MUC5AC: variants seen among roughly 807,000 people sequenced by gnomAD.
MUC5AC encodes mucin-5AC.
MUC5AC carries 158 observed loss-of-function variants against 169.7 expected under a neutral mutation model. The ratio of observed to expected loss-of-function variants is 0.93; its 90% CI spans 0.82 to 1.06. MUC5AC has a LOEUF of 1.06. MUC5AC is among the 50% of genes least tolerant of loss of function. The pLI, the probability that MUC5AC is intolerant of heterozygous loss-of-function variation, is 0.00. For missense variants in MUC5AC, 4,359 were observed against 3,089.9 expected (o/e 1.41, Z -9.74); for synonymous variants, 1,975 against 1,237.0 (o/e 1.60, Z -12.52).
intron 26 of MUC5AC, among the ~76,000 whole-genome samples, chr11:1,179,657 A>G (rs1860766438): frequency 9.4e-6 from 1 of 106,142 alleles, no homozygotes; most frequent in African/African-American, 3.4e-5. Context: ...GGTCCCTGGC[A>G]TGGTTGGGCA....
intron 1 of MUC5AC, among the ~76,000 whole-genome samples, chr11:1,158,929 G>A (rs531313788): frequency 3.3e-5 from 5 of 152,206 alleles, no homozygotes; most frequent in Non-Finnish European, 5.9e-5. Context: ...CCTCCACTGT[G>A]GCCTAGTCGG....
rs902262097 is a variant in MUC5AC, at chr11:1,180,015, C to T, written c.3485-7C>T. ...GACCCCACCGAGCCCTTCCTTCCTC[C>T]CTGCAGCTCTGTTCTGCGACTACTA... On this transcript the variant is annotated splice_polypyrimidine_tract_variant and splice_region_variant and intron_variant, in intron 26 of 48. Coordinates refer to ENST00000621226, the MANE Select transcript of MUC5AC (RefSeq NM_001304359.2). 18 of 398,804 alleles carry T rather than the reference C, an allele frequency of 4.5e-5. No individual in the cohort carries two copies. The highest frequency in any genetic ancestry group is 1.2e-3 in the Middle Eastern group (2 of 1,602). The allele number at this position is 398,804 out of a possible 1,614,324, so 24.7% of individuals were successfully genotyped here.
chr11:1,178,701 C>T lies in MUC5AC; in HGVS notation c.3327+18C>T, dbSNP rs1358848097. On this transcript the variant is annotated intron_variant, in intron 25 of 48. Transcript: ENST00000621226. ...ACGCACACGTATGCTGGCCGGGGGG[C>T]GTTTCTCTGGGCCCAAGGGGGTCAT... 1.7e-5 allele frequency: 21 copies of T among 1,229,050 alleles called. No homozygotes were observed. Among genetic ancestry groups the T allele is most frequent in the South Asian group, 3.0e-5 (1 of 32,790 alleles). 76.1% of individuals were successfully genotyped at this position (1,229,050 alleles called of 1,614,324 possible).
Position 1,198,256 on chromosome 11 carries a change from T to C in MUC5AC, c.16136-12T>C, listed in dbSNP as rs80334578. On this transcript the variant is annotated splice_polypyrimidine_tract_variant and intron_variant, in intron 42 of 48. Transcript: ENST00000621226. ...CGGCGGGGGGTGCAGCTGCTTGTCT[T>C]CTCGTGGGCAGGCTGGACAGTGTGC... 9,425 of 751,448 alleles carry C rather than the reference T, an allele frequency of 0.013. 85 individuals are homozygous for C. Among genetic ancestry groups the C allele is most frequent in the Non-Finnish European group, 0.018 (7,293 of 411,720 alleles). 46.5% of individuals were successfully genotyped at this position (751,448 alleles called of 1,614,324 possible).
At position 1,184,434 on chromosome 11, in the gene MUC5AC, G is replaced by T. The variant is rs1860882785; in HGVS notation, c.6289G>T (p.Gly2097Trp). 6 of 563,660 alleles carry T rather than the reference G, an allele frequency of 1.1e-5. No individual in the cohort carries two copies. The highest frequency in any genetic ancestry group is 1.6e-5 in the Non-Finnish European group (5 of 316,554). 34.9% of individuals were successfully genotyped at this position (563,660 alleles called of 1,614,324 possible). ...GCAACCCACGGCAACCTCCAGGGGTGGGCCCACAGCAACCAGCGTCACACA... is the reference window on the plus strand; with the variant it reads ...GCAACCCACGGCAACCTCCAGGGGTTGGCCCACAGCAACCAGCGTCACACA... The part of the protein sequence containing the change: ...TEQPTATSRG[G>W]PTATSVTQGT... Residue 2097 changes from glycine (G) to tryptophan (W), a missense_variant, in exon 31 of 49, where the codon GGG becomes TGG. Coordinates refer to ENST00000621226, the MANE Select transcript of MUC5AC (RefSeq NM_001304359.2).
rs1861355005 is a variant in MUC5AC at position 1,198,990 on chromosome 11, C to T, written c.16290C>T (p.Cys5430=). ...AGACCCAGATCTGCAACACACACTG[C>T]CCTGTGGTGAGCGCTCCCACCCTGC... ...SCETQICNTH[C]PVGFEYQEQS... Residue 5430 remains cysteine, a synonymous_variant, in exon 44 of 49, where the codon TGC becomes TGT. Transcript: ENST00000621226. The T allele has an allele frequency of 1.3e-6, 1 of 764,240 alleles. No homozygotes were observed. The highest frequency in any genetic ancestry group is 1.7e-5 in the African/African-American group (1 of 59,066). The allele number at this position is 764,240 out of a possible 1,614,324, so 47.3% of individuals were successfully genotyped here. A position where few individuals can be genotyped will look rare whatever the true frequency, so the allele number is the denominator to read the frequency against.
At chr11:1,193,800 A>G (rs1861186015) in intron 33 of MUC5AC, 141 bp downstream of exon 33, 5 of 631,320 alleles carry the variant, frequency 7.9e-6, no homozygotes, top group Non-Finnish European at 1.4e-5. Flanking sequence ...CCCAGCATCA[A>G]GGCGGGGCCG....
At chr11:1,163,232 G>A (rs1458332252) in intron 6 of MUC5AC, among the ~76,000 whole-genome samples, 187 bp downstream of exon 6, 1 of 152,244 alleles carries the variant, frequency 6.6e-6, no homozygotes, top group Admixed American at 6.5e-5. Context: ...TCTCAGGAGT[G>A]CAGGCAGGGA....
rs1319370580 is a variant in MUC5AC, at chr11:1,177,031, A to G, written c.2758A>G (p.Ser920Gly). ...HYLTFDGQSY[S>G]FNGDCEYTLV... is the part of the protein sequence containing the mutation. Reference sequence around the variant, plus strand: ...CCTCACCTTCGACGGACAGAGCTACAGCTTCAACGGAGACTGCGAGTACAC... The same window carrying G: ...CCTCACCTTCGACGGACAGAGCTACGGCTTCAACGGAGACTGCGAGTACAC... Residue 920 changes from serine (S) to glycine (G), a missense_variant, in exon 22 of 49, where the codon AGC becomes GGC. Coordinates refer to ENST00000621226, the MANE Select transcript of MUC5AC (RefSeq NM_001304359.2). The G allele has an allele frequency of 1.5e-5, 6 of 398,800 alleles. No homozygotes were observed. Among genetic ancestry groups the G allele is most frequent in the Non-Finnish European group, 2.2e-5 (5 of 226,264 alleles). The allele number at this position is 398,800 out of a possible 1,614,324, so 24.7% of individuals were successfully genotyped here. A position where few individuals can be genotyped will look rare whatever the true frequency, so the allele number is the denominator to read the frequency against.
At chr11:1,163,805 G>C in intron 6 of MUC5AC, 77 bp from the exon 7 acceptor site, 2 of 1,195,806 alleles carry the variant, frequency 1.7e-6, no homozygotes, top group African/African-American at 3.0e-5. Flanking sequence ...ACCCGGCCCT[G>C]GGGGCTCTGC....
At chr11:1,180,192 C>T in intron 27 of MUC5AC, 42 bp downstream of exon 27, 1 of 398,334 alleles carries the variant, frequency 2.5e-6, no homozygotes, top group Non-Finnish European at 4.4e-6. Context: ...GCTCCGCCGC[C>T]TGTGGCCTTC....
In MUC5AC at chr11:1,186,987, C is replaced by A; in HGVS notation, c.8842C>A (p.Pro2948Thr). The A allele has an allele frequency of 8.2e-6, 6 of 734,522 alleles. No homozygotes were observed. The highest frequency in any genetic ancestry group is 1.8e-5 in the Admixed American group (1 of 54,322). The allele number at this position is 734,522 out of a possible 1,614,324, so 45.5% of individuals were successfully genotyped here. ...TSTTSVPGTT[P>T]SPVPTTSTIS... ...CACAACTTCTGTTCCTGGAACTACT[C>A]CCAGCCCTGTTCCTACCACCAGCAC... is the stretch of plus-strand genomic sequence containing the variant. The change falls in exon 31 of 49, where the codon CCC becomes ACC. Residue 2948 changes from proline (P) to threonine (T), a missense_variant. Pro to Thr is a conservative substitution (Grantham distance 38). Transcript: ENST00000621226.
intron 15 of MUC5AC, among the ~76,000 whole-genome samples, chr11:1,171,015 C>A (rs1860503236): frequency 7.2e-6 from 1 of 139,800 alleles, no homozygotes; most frequent in Non-Finnish European, 1.6e-5. Flanking sequence ...CACCCATTCA[C>A]CCATTCACCC....
At position 1,195,869 on chromosome 11, in the gene MUC5AC, C is replaced by A. The variant is rs1861258335; in HGVS notation, c.15459-7C>A. Reference sequence around the variant, plus strand: ...TGCACCCAGCACCCTGCCCATCCCTCCCACAGGGTCTTTGAGCCGTGCCAC... The same window carrying A: ...TGCACCCAGCACCCTGCCCATCCCTACCACAGGGTCTTTGAGCCGTGCCAC... On this transcript the variant is annotated splice_polypyrimidine_tract_variant and splice_region_variant and intron_variant, in intron 36 of 48. Transcript: ENST00000621226. 5.3e-6 allele frequency: 4 copies of A among 757,508 alleles called. No homozygotes were observed. Among genetic ancestry groups the A allele is most frequent in the East Asian group, 2.4e-5 (1 of 40,926 alleles). 46.9% of individuals were successfully genotyped at this position (757,508 alleles called of 1,614,324 possible). A position where few individuals can be genotyped will look rare whatever the true frequency, so the allele number is the denominator to read the frequency against.
intron 1 of MUC5AC, among the ~76,000 whole-genome samples, chr11:1,158,408 A>AT (rs1321009676): frequency 2.0e-5 from 3 of 152,126 alleles, no homozygotes; most frequent in African/African-American, 7.2e-5. Context: ...CCAGCTGCTC[A>AT]TGGCCCCTGC....
chr11:1,186,490 C>G lies in MUC5AC; in HGVS notation c.8345C>G (p.Ser2782Cys), dbSNP rs1282903012. Residue 2782 changes from serine (S) to cysteine (C), a missense_variant, in exon 31 of 49, where the codon TCT becomes TGT. Transcript: ENST00000621226. ...TTSATTTSTISAPTTSTTLSP... is the reference protein window; with the variant it reads ...TTSATTTSTICAPTTSTTLSP... Reference sequence around the variant, plus strand: ...TCTGCTACTACAACCAGCACAATCTCTGCCCCTACAACCAGCACAACTTTG... The same window carrying G: ...TCTGCTACTACAACCAGCACAATCTGTGCCCCTACAACCAGCACAACTTTG... 2 of 695,528 alleles carry G rather than the reference C, an allele frequency of 2.9e-6. No individual in the cohort carries two copies. The highest frequency in any genetic ancestry group is 1.7e-5 in the African/African-American group (1 of 57,274). The allele number at this position is 695,528 out of a possible 1,614,324, so 43.1% of individuals were successfully genotyped here. A position where few individuals can be genotyped will look rare whatever the true frequency, so the allele number is the denominator to read the frequency against.
Position 1,162,936 on chromosome 11 carries a change from G to T in MUC5AC, c.589-19G>T. On this transcript the variant is annotated intron_variant, in intron 5 of 48. Transcript: ENST00000621226. ...CTGCCCCTGGTGGGGATGGGTGTCT[G>T]ATGTCTCTCCCTTTGCAGCTGGAGC... 2.5e-6 allele frequency: 4 copies of T among 1,608,850 alleles called. No individual in the cohort carries two copies. Among genetic ancestry groups the T allele is most frequent in the Non-Finnish European group, 3.4e-6 (4 of 1,176,372 alleles).
At position 1,164,673 on chromosome 11, in the gene MUC5AC, G is replaced by A. The variant is rs865981851; in HGVS notation, c.1129+141G>A. The A allele has an allele frequency of 1.5e-5, 16 of 1,087,702 alleles. No homozygotes were observed. The Admixed American group carries it at 2.5e-4, about 17-fold the overall frequency. 67.4% of individuals were successfully genotyped at this position (1,087,702 alleles called of 1,614,324 possible). A position where few individuals can be genotyped will look rare whatever the true frequency, so the allele number is the denominator to read the frequency against. The stretch of plus-strand genomic sequence containing the variant: ...CTGACTGAGGCCCCTGTCCTGGGCC[G>A]CTGAGGCTGGCTGAGGATCCTGTCC... On this transcript the variant is annotated intron_variant, in intron 9 of 48. Coordinates refer to ENST00000621226, the MANE Select transcript of MUC5AC (RefSeq NM_001304359.2).
intron 1 of MUC5AC, among the ~76,000 whole-genome samples, chr11:1,158,492 G>A (rs1015899881): frequency 6.6e-6 from 1 of 152,226 alleles, no homozygotes; most frequent in African/African-American, 2.4e-5. Context: ...ACCAGCTCAC[G>A]TTCCCTGTCT....
Sources: gnomAD v4.1 joint callset for allele counts (sites outside exome capture counted in the v4.1 genomes callset) on GRCh38, gnomAD v4.1.1 for gene constraint, MANE v1.5 for transcripts, NCBI Gene and HGNC (gene_info 2026-07-23, HGNC 2026-07-21) for gene names.